Variants in TIGIT observed in about 807,000 individuals in gnomAD.
TIGIT encodes T-cell immunoreceptor with Ig and ITIM domains.
A neutral mutation model predicts 19.6 loss-of-function variants in TIGIT; 11 were observed. The ratio of observed to expected loss-of-function variants is 0.56; its 90% CI spans 0.35 to 0.93. The LOEUF is 0.93. Ranked by LOEUF, TIGIT falls within the 40% of genes least tolerant of loss-of-function variation. TIGIT has a pLI of 0.01. For missense variants in TIGIT, 295 were observed against 303.9 expected, an observed-to-expected ratio of 0.97 and a Z score of 0.22; for synonymous variants, 130 against 125.5, an observed-to-expected ratio of 1.04 and a Z score of -0.24.
At chr3:114,299,758 G>T in intron 3 of TIGIT, 55 bp downstream of exon 3, 2 of 1,155,240 alleles carry the variant, frequency 1.7e-6, no homozygotes, top group Non-Finnish European at 2.6e-6. Flanking sequence ...CTGGCACCCG[G>T]GTCCTTTCAG....
chr3:114,296,409 C>T (rs554861279), intron 2 of TIGIT, among the ~76,000 whole-genome samples: 6 of 152,178 alleles, frequency 3.9e-5, no homozygotes, highest in Non-Finnish European at 8.8e-5. Context: ...GGATTCTTAT[C>T]TTATCTGAGA....
intron 1 of TIGIT, 72 bp downstream of exon 1, chr3:114,294,194 T>C (rs2078439098): frequency 1.6e-6 from 2 of 1,280,100 alleles, no homozygotes; most frequent in Non-Finnish European, 2.2e-6. Flanking sequence ...CTTGGGTGCT[T>C]GTGTAGGGAA....
Position 114,307,961 on chromosome 3 carries a change from T to G in TIGIT, c.565T>G (p.Trp189Gly), listed in dbSNP as rs2078546498. Reference sequence around the variant, plus strand: ...GAGAAAATCAGCTGGACAGGAGGAATGGAGCCCCAGTGCTCCCTCACCCCC... The same window carrying G: ...GAGAAAATCAGCTGGACAGGAGGAAGGGAGCCCCAGTGCTCCCTCACCCCC... Reference protein sequence around the residue: ...LRRKSAGQEEWSPSAPSPPGS... With the variant: ...LRRKSAGQEEGSPSAPSPPGS... Residue 189 changes from tryptophan (W) to glycine (G), a missense_variant, in exon 4 of 4, where the codon TGG (tryptophan) becomes GGG (glycine). Transcript: ENST00000383671. 6.2e-7 allele frequency: 1 copy of G among 1,614,122 alleles called. No homozygotes were observed. The highest frequency in any genetic ancestry group is 1.6e-4 in the Middle Eastern group (1 of 6,062).
At chr3:114,303,529 G>GTATA (rs1309447921) in intron 3 of TIGIT, among the ~76,000 whole-genome samples, 1 of 9,604 alleles carries the variant, frequency 1.0e-4, no homozygotes, top group Non-Finnish European at 4.4e-4. Flanking sequence ...ACATATATAT[G>GTATA]TATATATATA....
At chr3:114,294,629 C>T (rs2078441614) in intron 1 of TIGIT, among the ~76,000 whole-genome samples, 1 of 152,098 alleles carries the variant, frequency 6.6e-6, no homozygotes, top group South Asian at 2.1e-4. Flanking sequence ...GAGGGGAACA[C>T]AAATATTTAA....
Position 114,308,805 on chromosome 3 carries a change from G to A in TIGIT, c.*674G>A, listed in dbSNP as rs1304252534. 1 of 152,404 alleles carries A rather than the reference G, an allele frequency of 6.6e-6. No homozygotes were observed. 9.4% of individuals were successfully genotyped at this position (152,404 alleles called of 1,614,324 possible). ...AGTGGCCTGGGAGCACCAAGGGGATGTTGAGGCTAGTCTGGGAGGAGCAGG... is the reference window on the plus strand; with the variant it reads ...AGTGGCCTGGGAGCACCAAGGGGATATTGAGGCTAGTCTGGGAGGAGCAGG... On this transcript the variant is annotated 3_prime_UTR_variant, in exon 4 of 4. Transcript: ENST00000383671.
Position 114,308,076 on chromosome 3 carries a change from A to G in TIGIT, c.680A>G (p.Asn227Ser), listed in dbSNP as rs148174381. Residue 227 changes from asparagine (N) to serine (S), a missense_variant, in exon 4 of 4, where the codon AAT becomes AGT. Asn to Ser is a conservative substitution (Grantham distance 46). Transcript: ENST00000383671. ...EDCAELHDYF[N>S]VLSYRSLGNC... Reference sequence around the variant, plus strand: ...TGTGCCGAGCTGCATGACTACTTCAATGTCCTGAGTTACAGAAGCCTGGGT... The same window carrying G: ...TGTGCCGAGCTGCATGACTACTTCAGTGTCCTGAGTTACAGAAGCCTGGGT... 568 of 1,614,070 alleles carry G rather than the reference A, an allele frequency of 3.5e-4. 2 individuals are homozygous for G. Among genetic ancestry groups the G allele is most frequent in the Non-Finnish European group, 4.5e-4 (527 of 1,180,044 alleles).
chr3:114,302,315 G>T (rs951753563), intron 3 of TIGIT, among the ~76,000 whole-genome samples: 1 of 152,184 alleles, frequency 6.6e-6, no homozygotes, highest in Non-Finnish European at 1.5e-5. Flanking sequence ...TTAGAGAGCA[G>T]AGCCAAGAGG....
intron 2 of TIGIT, among the ~76,000 whole-genome samples, chr3:114,296,640 G>C (rs1020295709): frequency 1.3e-5 from 2 of 152,216 alleles, no homozygotes; most frequent in Non-Finnish European, 2.9e-5. Context: ...CTGGAACATG[G>C]TAAGTGCTGT....
intron 3 of TIGIT, among the ~76,000 whole-genome samples, chr3:114,303,630 TACACAC>T (rs3085123): frequency 1.7e-5 from 2 of 115,870 alleles, no homozygotes; most frequent in African/African-American, 3.2e-5. Context: ...TGTATATATA[TACACAC>T]ACACACACAC....
chr3:114,297,823 C>G (rs1280286586), intron 2 of TIGIT, among the ~76,000 whole-genome samples: 1 of 152,172 alleles, frequency 6.6e-6, no homozygotes, highest in African/African-American at 2.4e-5. Context: ...TTCTATTGGA[C>G]CCCTGTGCAG....
chr3:114,305,206 T>TA (rs1368953777), intron 3 of TIGIT, among the ~76,000 whole-genome samples: 1 of 152,150 alleles, frequency 6.6e-6, no homozygotes, highest in East Asian at 1.9e-4. Flanking sequence ...CCTCAAATGT[T>TA]AGAGTCAGTG....
intron 3 of TIGIT, among the ~76,000 whole-genome samples, chr3:114,303,612 CATATATATGTATATATAT>C (rs1560033686): frequency 0.045 from 2,935 of 65,306 alleles, 208 homozygotes; most frequent in South Asian, 0.13. Context: ...TATATATATA[CATATATATGTATATATAT>C]ACACACACAC....
chr3:114,304,707 G>A (rs184633896), intron 3 of TIGIT, among the ~76,000 whole-genome samples: 89 of 152,230 alleles, frequency 5.8e-4, no homozygotes, highest in African/African-American at 1.1e-3. Context: ...TCCTAATTAC[G>A]GGCCTGATGG....
intron 3 of TIGIT, among the ~76,000 whole-genome samples, chr3:114,304,536 T>A (rs1165298162): frequency 5.9e-5 from 9 of 152,198 alleles, no homozygotes; most frequent in African/African-American, 2.2e-4. Flanking sequence ...CATCCAGGCT[T>A]ATGTTCTACC....
Position 114,308,109 on chromosome 3 carries a change from G to T in TIGIT, c.713G>T (p.Ser238Ile). Residue 238 changes from serine (S) to isoleucine (I), a missense_variant, in exon 4 of 4, where the codon AGC (serine) becomes ATC (isoleucine). Coordinates refer to ENST00000383671, the MANE Select transcript of TIGIT (RefSeq NM_173799.4). Reference sequence around the variant, plus strand: ...AGTTACAGAAGCCTGGGTAACTGCAGCTTCTTCACAGAGACTGGTTAGCAA... The same window carrying T: ...AGTTACAGAAGCCTGGGTAACTGCATCTTCTTCACAGAGACTGGTTAGCAA... ...VLSYRSLGNC[S>I]FFTETG 6.2e-7 allele frequency: 1 copy of T among 1,614,200 alleles called. No homozygotes were observed. The highest frequency in any genetic ancestry group is 8.5e-7 in the Non-Finnish European group (1 of 1,180,034).
At chr3:114,307,806 T>C in intron 3 of TIGIT, 89 bp from the exon 4 acceptor site, 1 of 1,200,972 alleles carries the variant, frequency 8.3e-7, no homozygotes, top group Non-Finnish European at 1.2e-6. Flanking sequence ...TGTGCATGTG[T>C]GTAAGAAAGG....
rs767613673 is a variant in TIGIT at position 114,299,740 on chromosome 3, C to A, written c.498+37C>A. 1.3e-5 allele frequency: 18 copies of A among 1,436,742 alleles called. No individual in the cohort carries two copies. The Admixed American group carries it at 2.9e-4, about 23-fold the overall frequency. The allele number at this position is 1,436,742 out of a possible 1,614,324, so 89.0% of individuals were successfully genotyped here. A position where few individuals can be genotyped will look rare whatever the true frequency, so the allele number is the denominator to read the frequency against. On this transcript the variant is annotated intron_variant, in intron 3 of 3. Transcript: ENST00000383671. ...GGCTGCACACCGCAGTCATGGGCAC[C>A]CCCACGTCTGGCACCCGGGTCCTTT...
intron 2 of TIGIT, 130 bp downstream of exon 2, chr3:114,296,004 A>G (rs1397629703): frequency 2.7e-6 from 2 of 747,100 alleles, no homozygotes; most frequent in African/African-American, 1.8e-5. Flanking sequence ...ATTTTAAATC[A>G]TACTGATGCC....
Sources: allele counts gnomAD v4.1 joint callset (sites outside exome capture counted in the v4.1 genomes callset), GRCh38; gene constraint gnomAD v4.1.1; transcripts MANE v1.5; gene names NCBI Gene and HGNC (gene_info 2026-07-23, HGNC 2026-07-21).